The following PCDH11X variants were observed in gnomAD, a reference collection of about 807,000 sequenced individuals.
PCDH11X encodes protocadherin 11 X-linked, also known as protocadherin-11 X-linked.
A neutral mutation model predicts 53.3 loss-of-function variants in PCDH11X; 18 were observed. The observed-to-expected ratio is 0.34, with a 90% CI of 0.23 to 0.50. The LOEUF (loss-of-function observed/expected upper bound fraction) is 0.50. Among genes scored for constraint, PCDH11X ranks in the 20% least tolerant of loss-of-function variants. The pLI, the probability that PCDH11X is intolerant of heterozygous loss-of-function variation, is 0.98. For missense variants in PCDH11X, 570 were observed against 1,032.4 expected (o/e 0.55, Z 6.14); for synonymous variants, 279 against 393.3 (o/e 0.71, Z 3.44).
chrX:92,131,815 G>A (rs1429200808), intron 6 of PCDH11X, among the ~76,000 whole-genome samples: 2 of 109,242 alleles, frequency 1.8e-5, no homozygotes, highest in Non-Finnish European at 3.8e-5. Flanking sequence ...GAGGACTGGG[G>A]AGTTTCTTCA....
intron 6 of PCDH11X, among the ~76,000 whole-genome samples, chrX:92,018,847 A>G (rs1404158442): frequency 8.9e-6 from 1 of 112,739 alleles, no homozygotes; most frequent in African/African-American, 3.2e-5. Flanking sequence ...ATAATCTTAC[A>G]TGTATCAGAA....
rs770756310 is a variant in PCDH11X, at chrX:91,808,234, T to C, written c.-378-1232T>C. 1.9e-4 allele frequency among the ~76,000 whole-genome samples: 20 copies of C among 106,896 alleles called. No individual in the cohort carries two copies. In the East Asian group the frequency reaches 5.4e-3, roughly 29 times the overall value. 92.8% of individuals were successfully genotyped at this position (106,896 alleles called of 115,157 possible). Reference sequence around the variant, plus strand: ...ATGTGTGGCTGGGTGCAGTGGCTCATGCTTGTAATCCCAGCACTTTGGGAG... The same window carrying C: ...ATGTGTGGCTGGGTGCAGTGGCTCACGCTTGTAATCCCAGCACTTTGGGAG... On this transcript the variant is annotated intron_variant, in intron 1 of 10. Coordinates refer to ENST00000682573, the MANE Select transcript of PCDH11X (RefSeq NM_032968.5).
In PCDH11X at chrX:91,960,969, C is replaced by T. The variant is rs748525145; in HGVS notation, c.3033+81696C>T. ...TTATATGTCTGTTTTTATACCAGCA[C>T]CATATTGTTTTGTTTACTATAGTTT... is the stretch of plus-strand genomic sequence containing the variant. On this transcript the variant is annotated intron_variant, in intron 6 of 10. Transcript: ENST00000682573. Among the ~76,000 whole-genome samples, 640 of 100,948 alleles carry T rather than the reference C, an allele frequency of 6.3e-3. 12 individuals carry two copies. The highest frequency in any genetic ancestry group is 7.9e-3 in the Non-Finnish European group (394 of 49,931). The allele number at this position is 100,948 out of a possible 115,157, so 87.7% of individuals were successfully genotyped here.
At chrX:91,788,697 C>G (rs1268990081) in intron 1 of PCDH11X, among the ~76,000 whole-genome samples, 1 of 111,649 alleles carries the variant, frequency 9.0e-6, no homozygotes, top group Non-Finnish European at 1.9e-5. Context: ...CAAAGCTTTC[C>G]CTTCTTTCCT....
intron 6 of PCDH11X, among the ~76,000 whole-genome samples, chrX:92,094,013 A>G: frequency 9.0e-6 from 1 of 110,871 alleles, no homozygotes; most frequent in Admixed American, 9.7e-5. Flanking sequence ...TTAGTCCTAA[A>G]TCTAGCTGTT....
At chrX:92,237,027 A>G (rs2067183727) in intron 7 of PCDH11X, among the ~76,000 whole-genome samples, 1 of 108,636 alleles carries the variant, frequency 9.2e-6, no homozygotes. Flanking sequence ...AATTCTTTAA[A>G]TTGTTGAAGA....
intron 8 of PCDH11X, among the ~76,000 whole-genome samples, chrX:92,293,997 A>G (rs904373834): frequency 9.0e-6 from 1 of 111,279 alleles, no homozygotes; most frequent in African/African-American, 3.3e-5. Context: ...GGCACAATGT[A>G]TTATAATAAT....
At chrX:92,566,506 A>G (rs1325587131) in intron 10 of PCDH11X, among the ~76,000 whole-genome samples, 1 of 109,783 alleles carries the variant, frequency 9.1e-6, no homozygotes, top group Non-Finnish European at 1.9e-5. Context: ...GCATATTTAG[A>G]TGAACTAAAT....
intron 6 of PCDH11X, among the ~76,000 whole-genome samples, chrX:92,166,467 C>A (rs2148268335): frequency 9.4e-6 from 1 of 106,545 alleles, no homozygotes; most frequent in East Asian, 3.0e-4. Flanking sequence ...TCATATTTCA[C>A]ATGGAGTGCT....
chrX:92,369,558 T>A (rs2070563030), intron 8 of PCDH11X, among the ~76,000 whole-genome samples: 1 of 110,206 alleles, frequency 9.1e-6, no homozygotes, highest in South Asian at 3.9e-4. Context: ...GCCACTGGGG[T>A]AGGAAAAAGA....
At chrX:92,003,146 A>T (rs1451337160) in intron 6 of PCDH11X, among the ~76,000 whole-genome samples, 1 of 104,350 alleles carries the variant, frequency 9.6e-6, no homozygotes, top group Non-Finnish European at 2.0e-5. Flanking sequence ...AATTGAAATG[A>T]TCATACAGTT....
At chrX:92,473,879 T>C (rs1385749409) in intron 10 of PCDH11X, among the ~76,000 whole-genome samples, 6 of 111,802 alleles carry the variant, frequency 5.4e-5, no homozygotes, top group Admixed American at 3.8e-4. Flanking sequence ...TGACCTTTCC[T>C]TGAGAATGAT....
chrX:92,124,315 G>A, intron 6 of PCDH11X, among the ~76,000 whole-genome samples: 1 of 110,332 alleles, frequency 9.1e-6, no homozygotes. Flanking sequence ...GGGAGGCTGA[G>A]GCGGGCGGAT....
chrX:92,144,424 G>A (rs1259782509), intron 6 of PCDH11X, among the ~76,000 whole-genome samples: 3 of 110,438 alleles, frequency 2.7e-5, no homozygotes, highest in Non-Finnish European at 5.6e-5. Flanking sequence ...AGTCTTTCCC[G>A]TGCTATTCTC....
chrX:91,983,760 A>C (rs2062184152), intron 6 of PCDH11X, among the ~76,000 whole-genome samples: 1 of 111,403 alleles, frequency 9.0e-6, no homozygotes, highest in Non-Finnish European at 1.9e-5. Flanking sequence ...GGGTGGGGAC[A>C]CAGAGCCAAA....
rs942553470 is a variant in PCDH11X, at chrX:92,227,041, A to G, written c.3114+25586A>G. ...CACGTACTTTTAGTAATTAACAGAT[A>G]AAGTATACATTCTGAGCATTAGCAA... On this transcript the variant is annotated intron_variant, in intron 7 of 10. Transcript: ENST00000682573. Among the ~76,000 whole-genome samples the G allele has an allele frequency of 3.6e-5, 4 of 111,844 alleles. No individual in the cohort carries two copies. In the East Asian group the frequency reaches 1.1e-3, roughly 31 times the overall value.
At chrX:92,247,600 G>A (rs1395825725) in intron 7 of PCDH11X, among the ~76,000 whole-genome samples, 2 of 111,644 alleles carry the variant, frequency 1.8e-5, no homozygotes, top group East Asian at 2.8e-4. Flanking sequence ...GAATTCTTCC[G>A]TGTCTTTTCC....
chrX:91,940,332 C>T (rs1471861239), intron 6 of PCDH11X, among the ~76,000 whole-genome samples: 4 of 111,065 alleles, frequency 3.6e-5, no homozygotes, highest in South Asian at 3.8e-4. Flanking sequence ...TTTATAGTAA[C>T]GCAAGAACAG....
At chrX:92,437,928 T>A (rs1200025120) in intron 9 of PCDH11X, among the ~76,000 whole-genome samples, 3 of 111,696 alleles carry the variant, frequency 2.7e-5, no homozygotes, top group Admixed American at 1.9e-4. Context: ...TTAAGTGTAT[T>A]GAAAACAATA....
Sources: gnomAD v4.1 joint callset for allele counts (sites outside exome capture counted in the v4.1 genomes callset) on GRCh38, gnomAD v4.1.1 for gene constraint, MANE v1.5 for transcripts, NCBI Gene and HGNC (gene_info 2026-07-23, HGNC 2026-07-21) for gene names.